SBF2: variants seen among roughly 807,000 people sequenced by gnomAD.
SBF2 encodes the protein SET binding factor 2.
Under a neutral mutation model 225.2 loss-of-function variants are expected in SBF2, and 112 were observed. The observed-to-expected ratio is 0.50, with a 90% CI of 0.43 to 0.58. The LOEUF (loss-of-function observed/expected upper bound fraction) is 0.58, where lower values mean the gene tolerates loss of function less well. SBF2 is among the 20% of genes least tolerant of loss of function. The probability of loss-of-function intolerance (pLI) is 0.00; values close to 1 mark genes in which losing one functional copy is unlikely to be tolerated. For synonymous variants in SBF2, 763 were observed against 773.3 expected, an observed-to-expected ratio of 0.99 and a Z score of 0.22; for missense variants, 1,996 against 2,206.2, an observed-to-expected ratio of 0.90 and a Z score of 1.91.
At chr11:9,829,816 C>G in intron 27 of SBF2, 3 of 338,942 alleles carry the variant, frequency 8.9e-6, no homozygotes, top group Admixed American at 4.2e-5. Context: ...GGCATAGCTT[C>G]TCATTATCCA....
At chr11:9,886,033 G>A (rs960671088) in intron 17 of SBF2, among the ~76,000 whole-genome samples, 1 of 152,190 alleles carries the variant, frequency 6.6e-6, no homozygotes, top group Non-Finnish European at 1.5e-5. Context: ...TTACCTGTTT[G>A]TGGGAGGTGT....
At chr11:10,166,101 C>A (rs984138706) in intron 2 of SBF2, among the ~76,000 whole-genome samples, 1 of 152,132 alleles carries the variant, frequency 6.6e-6, no homozygotes, top group East Asian at 1.9e-4. Flanking sequence ...ATTCCCAGCA[C>A]CCAATACCTT....
intron 2 of SBF2, among the ~76,000 whole-genome samples, chr11:10,129,100 CTTT>C (rs757476668): frequency 2.9e-4 from 26 of 89,942 alleles, no homozygotes; most frequent in East Asian, 1.2e-3. Context: ...AATTTTCTCT[CTTT>C]TTTTTTTTTT....
chr11:10,118,925 C>G (rs1241929897), intron 2 of SBF2, among the ~76,000 whole-genome samples: 1 of 145,836 alleles, frequency 6.9e-6, no homozygotes, highest in Non-Finnish European at 1.5e-5. Context: ...CAAAACTAAA[C>G]AAACAAACAA....
At chr11:9,822,423 G>T (rs1306410965) in intron 28 of SBF2, among the ~76,000 whole-genome samples, 6 of 152,086 alleles carry the variant, frequency 3.9e-5, no homozygotes, top group Non-Finnish European at 7.4e-5. Flanking sequence ...ACCACGCCCG[G>T]CTAATTTTTT....
At chr11:10,094,906 T>TA (rs893609461) in intron 2 of SBF2, among the ~76,000 whole-genome samples, 17 of 146,892 alleles carry the variant, frequency 1.2e-4, no homozygotes, top group Admixed American at 5.4e-4. Flanking sequence ...TCATGAAGCA[T>TA]AAAAAAAAAT....
chr11:10,055,258 A>G (rs898959938), intron 2 of SBF2, among the ~76,000 whole-genome samples: 2 of 152,134 alleles, frequency 1.3e-5, no homozygotes, highest in African/African-American at 4.8e-5. Flanking sequence ...GGATGTGGTA[A>G]AAAGGGAACA....
intron 6 of SBF2, among the ~76,000 whole-genome samples, chr11:10,014,326 T>C (rs1201682560): frequency 1.3e-5 from 2 of 152,094 alleles, no homozygotes; most frequent in Non-Finnish European, 2.9e-5. Flanking sequence ...CCTGAGTCTA[T>C]GCCATTACTT....
At chr11:10,248,405 T>C (rs1960013063) in intron 1 of SBF2, among the ~76,000 whole-genome samples, 1 of 152,250 alleles carries the variant, frequency 6.6e-6, no homozygotes, top group Non-Finnish European at 1.5e-5. Context: ...AATGCCACTA[T>C]GACTCTTAAC....
At chr11:10,238,240 C>T (rs1262859843) in intron 1 of SBF2, among the ~76,000 whole-genome samples, 1 of 152,076 alleles carries the variant, frequency 6.6e-6, no homozygotes, top group Admixed American at 6.6e-5. Context: ...GAAACCCTAT[C>T]TCTACAAAGA....
chr11:10,041,663 G>T (rs1321545454), intron 3 of SBF2, among the ~76,000 whole-genome samples: 1 of 152,118 alleles, frequency 6.6e-6, no homozygotes, highest in Non-Finnish European at 1.5e-5. Context: ...AAGGTAATTT[G>T]TCTCTTCTTG....
At chr11:9,781,778 A>ATTAAT (rs1303704328) in intron 38 of SBF2, 140 bp from the exon 39 acceptor site, 1 of 975,782 alleles carries the variant, frequency 1.0e-6, no homozygotes, top group African/African-American at 1.6e-5. Context: ...CAAAAAATTA[A>ATTAAT]TTAATAATAC....
chr11:10,280,842 TGGG>T (rs1430673799), intron 1 of SBF2, among the ~76,000 whole-genome samples: 1 of 84,046 alleles, frequency 1.2e-5, no homozygotes, highest in African/African-American at 4.3e-5. Flanking sequence ...GGATTGGGGG[TGGG>T]GGAGGCGGGC....
chr11:9,880,868 C>G (rs1859706333), intron 17 of SBF2, among the ~76,000 whole-genome samples: 1 of 152,088 alleles, frequency 6.6e-6, no homozygotes, highest in African/African-American at 2.4e-5. Context: ...AAATTCTGCC[C>G]CTGTCAGCAT....
At chr11:10,081,224 T>C (rs1363026568) in intron 2 of SBF2, among the ~76,000 whole-genome samples, 4 of 152,124 alleles carry the variant, frequency 2.6e-5, no homozygotes, top group Non-Finnish European at 5.9e-5. Context: ...ATACCAAGTA[T>C]CTTCTTGGAC....
intron 16 of SBF2, among the ~76,000 whole-genome samples, chr11:9,912,751 T>C (rs530107849): frequency 6.6e-6 from 1 of 152,200 alleles, no homozygotes; most frequent in Non-Finnish European, 1.5e-5. Flanking sequence ...TTTGCCTAAG[T>C]AGACAACAAC....
At chr11:10,104,712 G>A (rs1409304233) in intron 2 of SBF2, among the ~76,000 whole-genome samples, 1 of 152,176 alleles carries the variant, frequency 6.6e-6, no homozygotes, top group Non-Finnish European at 1.5e-5. Flanking sequence ...TGTTGTCTAG[G>A]TGGGGAGACA....
intron 13 of SBF2, among the ~76,000 whole-genome samples, chr11:9,970,362 C>T (rs61877004): frequency 0.13 from 19,619 of 152,014 alleles, 1,377 homozygotes; most frequent in Non-Finnish European, 0.14. Context: ...CCCACCACCA[C>T]GCCCGGCTAA....
chr11:10,048,870 C>T (rs993177443), intron 2 of SBF2, among the ~76,000 whole-genome samples: 1 of 152,036 alleles, frequency 6.6e-6, no homozygotes, highest in Non-Finnish European at 1.5e-5. Flanking sequence ...TTCAAAGTGC[C>T]CAGTAGACCA....
Sources: allele counts gnomAD v4.1 joint callset (sites outside exome capture counted in the v4.1 genomes callset), GRCh38; gene constraint gnomAD v4.1.1; transcripts MANE v1.5; gene names NCBI Gene and HGNC (gene_info 2026-07-23, HGNC 2026-07-21).